PTPRD: variants seen among roughly 807,000 people sequenced by gnomAD.
The protein encoded by PTPRD is protein tyrosine phosphatase receptor type D.
A neutral mutation model predicts 214.5 loss-of-function variants in PTPRD; 34 were observed. The observed-to-expected ratio is 0.16, with a 90% CI of 0.12 to 0.21. PTPRD has a LOEUF of 0.21. PTPRD is among the 10% of genes least tolerant of loss of function. The pLI is 1.00. For missense variants in PTPRD, 2,545 were observed against 2,398.7 expected, an observed-to-expected ratio of 1.06 and a Z score of -1.27; for synonymous variants, 1,128 against 845.7, an observed-to-expected ratio of 1.33 and a Z score of -5.79.
At chr9:10,307,748 T>G (rs2096129920) in intron 3 of PTPRD, among the ~76,000 whole-genome samples, 1 of 152,078 alleles carries the variant, frequency 6.6e-6, no homozygotes, top group African/African-American at 2.4e-5. Context: ...TGTCCTTTGA[T>G]AATAGCCATT....
At chr9:10,573,745 A>C (rs1175811122) in intron 2 of PTPRD, among the ~76,000 whole-genome samples, 1 of 152,192 alleles carries the variant, frequency 6.6e-6, no homozygotes, top group Non-Finnish European at 1.5e-5. Context: ...GAAATAAGAA[A>C]AAATAATAAA....
intron 4 of PTPRD, among the ~76,000 whole-genome samples, chr9:10,023,621 A>AT (rs71485309): frequency 0.17 from 24,278 of 147,038 alleles, 2,178 homozygotes; most frequent in African/African-American, 0.22. Flanking sequence ...ACATGGAACT[A>AT]TTTTTTTTTT....
intron 14 of PTPRD, among the ~76,000 whole-genome samples, chr9:8,561,639 G>A (rs1021264144): frequency 6.6e-6 from 1 of 152,234 alleles, no homozygotes; most frequent in Non-Finnish European, 1.5e-5. Context: ...CACATCACCA[G>A]CTGGAACCCT....
chr9:9,312,720 G>A lies in PTPRD; in HGVS notation c.-203+84729C>T, dbSNP rs530253482. Among the ~76,000 whole-genome samples, 27 of 152,206 alleles carry A rather than the reference G, an allele frequency of 1.8e-4. No individual in the cohort carries two copies. In the South Asian group the frequency reaches 5.6e-3, roughly 32 times the overall value. ...CTCTGGCCAACCTCTACCTAAACTG[G>A]AATAGGCATGTTAGAAAATAAATGA... is the stretch of plus-strand genomic sequence containing the variant. On this transcript the variant is annotated intron_variant, in intron 9 of 45. Transcript: ENST00000381196.
intron 9 of PTPRD, among the ~76,000 whole-genome samples, chr9:9,191,698 C>T (rs1018110791): frequency 6.6e-6 from 1 of 151,982 alleles, no homozygotes; most frequent in Admixed American, 6.6e-5. Flanking sequence ...AAATATGGTG[C>T]ACTATGTGAA....
intron 5 of PTPRD, among the ~76,000 whole-genome samples, chr9:9,878,352 C>G (rs577068988): frequency 1.9e-4 from 29 of 152,086 alleles, no homozygotes; most frequent in Non-Finnish European, 3.5e-4. Flanking sequence ...GTGAGTGGAC[C>G]TAGGCCATCA....
rs565619948 is a variant in PTPRD at position 9,838,216 on chromosome 9, C to T, written c.-367-71365G>A. 8.3e-4 allele frequency among the ~76,000 whole-genome samples: 127 copies of T among 152,250 alleles called. 1 individual carries two copies. The highest frequency in any genetic ancestry group is 6.6e-3 in the South Asian group (32 of 4,824). Reference sequence around the variant, plus strand: ...CAAGTCTTTGCTATTGTGAATAGTGCTGCAATAAACATAGGTGTGCATGTG... The same window carrying T: ...CAAGTCTTTGCTATTGTGAATAGTGTTGCAATAAACATAGGTGTGCATGTG... On this transcript the variant is annotated intron_variant, in intron 5 of 45. Coordinates refer to ENST00000381196, the MANE Select transcript of PTPRD (RefSeq NM_002839.4).
At chr9:8,707,506 C>T (rs79396231) in intron 12 of PTPRD, among the ~76,000 whole-genome samples, 1 of 152,190 alleles carries the variant, frequency 6.6e-6, no homozygotes, top group Non-Finnish European at 1.5e-5. Flanking sequence ...GTTCTTGGGA[C>T]AAAGTGTTCC....
In PTPRD at chr9:8,317,860, T is replaced by C; in HGVS notation, c.*14A>G. The C allele has an allele frequency of 6.2e-7, 1 of 1,611,222 alleles. No homozygotes were observed. The highest frequency in any genetic ancestry group is 1.3e-5 in the African/African-American group (1 of 74,822). ...AAGGGCCTGTAGTAAAAATCCAGAA[T>C]GGGTCAGGGGTTTCTACGTTGCATA... On this transcript the variant is annotated 3_prime_UTR_variant, in exon 46 of 46. Coordinates refer to ENST00000381196, the MANE Select transcript of PTPRD (RefSeq NM_002839.4).
chr9:8,968,160 G>T (rs1169292104), intron 11 of PTPRD, among the ~76,000 whole-genome samples: 1 of 152,048 alleles, frequency 6.6e-6, no homozygotes, highest in Non-Finnish European at 1.5e-5. Context: ...ATCATTGTTG[G>T]ACATTTGGGT....
At chr9:10,503,172 C>T (rs2044356785) in intron 2 of PTPRD, among the ~76,000 whole-genome samples, 1 of 93,960 alleles carries the variant, frequency 1.1e-5, no homozygotes, top group Admixed American at 1.9e-4. Flanking sequence ...GTGAAGAATT[C>T]ATTGAGACAC....
chr9:8,411,948 A>C (rs918586789), intron 35 of PTPRD, among the ~76,000 whole-genome samples: 3 of 152,214 alleles, frequency 2.0e-5, no homozygotes, highest in African/African-American at 7.2e-5. Context: ...AAGAGTATTA[A>C]AGAATTTCCA....
Position 9,651,826 on chromosome 9 carries a change from G to GTTT in PTPRD, c.-286-77048_-286-77046dup, listed in dbSNP as rs869105633. Among the ~76,000 whole-genome samples the GTTT allele has an allele frequency of 2.4e-3, 131 of 55,068 alleles. 24 individuals are homozygous for GTTT. The highest frequency in any genetic ancestry group is 3.1e-3 in the Non-Finnish European group (89 of 28,768). 36.1% of individuals were successfully genotyped at this position (55,068 alleles called of 152,430 possible). A position where few individuals can be genotyped will look rare whatever the true frequency, so the allele number is the denominator to read the frequency against. ...CTGCCTTTGTATTTATTCAAGGTTTGTTTTTTTTTTTTTTTTTTTTTTTTT... is the reference window on the plus strand; with the variant it reads ...CTGCCTTTGTATTTATTCAAGGTTTGTTTTTTTTTTTTTTTTTTTTTTTTTTTT... On this transcript the variant is annotated intron_variant, in intron 7 of 45. Coordinates refer to ENST00000381196, the MANE Select transcript of PTPRD (RefSeq NM_002839.4).
chr9:9,835,239 C>G (rs1174495547), intron 5 of PTPRD, among the ~76,000 whole-genome samples: 1 of 152,046 alleles, frequency 6.6e-6, no homozygotes, highest in Non-Finnish European at 1.5e-5. Context: ...ATAATACATT[C>G]CAAAATGAAG....
chr9:9,417,528 C>G (rs1287281404), intron 8 of PTPRD, among the ~76,000 whole-genome samples: 3 of 152,100 alleles, frequency 2.0e-5, no homozygotes, highest in East Asian at 1.9e-4. Flanking sequence ...CTAAAAAACT[C>G]CAGTTCATTC....
intron 3 of PTPRD, among the ~76,000 whole-genome samples, chr9:10,247,906 T>C (rs1044532158): frequency 2.0e-5 from 3 of 152,196 alleles, no homozygotes; most frequent in South Asian, 2.1e-4. Flanking sequence ...ATAATTCCTA[T>C]GTGTTATGGG....
At chr9:9,840,153 G>T (rs916183131) in intron 5 of PTPRD, among the ~76,000 whole-genome samples, 10 of 151,696 alleles carry the variant, frequency 6.6e-5, no homozygotes, top group Admixed American at 6.6e-5. Context: ...TTCTCCTGTC[G>T]CAGCCTTCCA....
chr9:8,316,857 CT>C lies in PTPRD; in HGVS notation c.*1016del, dbSNP rs150496605. On this transcript the variant is annotated 3_prime_UTR_variant, in exon 46 of 46. Coordinates refer to ENST00000381196, the MANE Select transcript of PTPRD (RefSeq NM_002839.4). ...AAATGGAAAGAGATGTTTACAATAG[CT>C]TTTCTACGTTTAAAAAAACTAAATC... The C allele has an allele frequency of 0.01, 2,329 of 230,754 alleles. 40 individuals carry two copies. Among genetic ancestry groups the C allele is most frequent in the African/African-American group, 0.049 (2,206 of 45,018 alleles). 14.3% of individuals were successfully genotyped at this position (230,754 alleles called of 1,614,324 possible).
intron 2 of PTPRD, among the ~76,000 whole-genome samples, chr9:10,578,959 GGTTT>G (rs2070660177): frequency 6.6e-6 from 1 of 151,878 alleles, no homozygotes; most frequent in Non-Finnish European, 1.5e-5. Flanking sequence ...AGAATGTGCA[GGTTT>G]GTTACGTAGG....
Sources: allele counts gnomAD v4.1 joint callset (sites outside exome capture counted in the v4.1 genomes callset), GRCh38; gene constraint gnomAD v4.1.1; transcripts MANE v1.5; gene names NCBI Gene and HGNC (gene_info 2026-07-23, HGNC 2026-07-21).